ADAMTS12: variants seen among roughly 807,000 people sequenced by gnomAD.
ADAMTS12 encodes the protein ADAM metallopeptidase with thrombospondin type 1 motif 12, also known as A disintegrin and metalloproteinase with thrombospondin motifs 12.
In ADAMTS12, 118 loss-of-function variants were observed where a neutral mutation model predicts 167.8. That is an observed-to-expected ratio of 0.70 (90% CI 0.61 to 0.82). The LOEUF (loss-of-function observed/expected upper bound fraction) is 0.82, where lower values mean the gene tolerates loss of function less well. ADAMTS12 is among the 40% of genes least tolerant of loss of function. The pLI, the probability that ADAMTS12 is intolerant of heterozygous loss-of-function variation, is 0.00. For synonymous variants in ADAMTS12, 704 were observed against 716.9 expected, an observed-to-expected ratio of 0.98 and a Z score of 0.29; for missense variants, 1,916 against 1,998.8, an observed-to-expected ratio of 0.96 and a Z score of 0.79.
chr5:33,804,776 T>C (rs1318150427), intron 2 of ADAMTS12, among the ~76,000 whole-genome samples: 3 of 152,120 alleles, frequency 2.0e-5, no homozygotes, highest in Non-Finnish European at 2.9e-5. Flanking sequence ...AATTTCAAAT[T>C]ACATATACCT....
intron 22 of ADAMTS12, among the ~76,000 whole-genome samples, chr5:33,538,389 G>T (rs1744517666): frequency 1.3e-5 from 2 of 152,180 alleles, no homozygotes. Context: ...TGACACGTGA[G>T]AATTACAATC....
intron 2 of ADAMTS12, among the ~76,000 whole-genome samples, chr5:33,796,705 C>T (rs1431263644): frequency 2.0e-5 from 3 of 152,124 alleles, no homozygotes; most frequent in African/African-American, 7.2e-5. Context: ...CTAAGTTTAT[C>T]TTGAAAGTAT....
intron 9 of ADAMTS12, among the ~76,000 whole-genome samples, chr5:33,644,425 T>C (rs929549710): frequency 6.6e-6 from 1 of 152,210 alleles, no homozygotes; most frequent in Non-Finnish European, 1.5e-5. Context: ...TTTGATTGAT[T>C]TTCTTTTCAA....
At chr5:33,855,695 A>C (rs1181347124) in intron 2 of ADAMTS12, among the ~76,000 whole-genome samples, 1 of 151,908 alleles carries the variant, frequency 6.6e-6, no homozygotes, top group East Asian at 1.9e-4. Flanking sequence ...ATATTTATAG[A>C]ATGTGAGTCT....
chr5:33,653,431 AT>A (rs1368250754), intron 7 of ADAMTS12, among the ~76,000 whole-genome samples: 3 of 151,776 alleles, frequency 2.0e-5, no homozygotes, highest in Admixed American at 6.6e-5. Flanking sequence ...TATTTTGTTA[AT>A]TTTTTTACAT....
At chr5:33,702,752 T>A (rs1004634300) in intron 3 of ADAMTS12, among the ~76,000 whole-genome samples, 6 of 152,196 alleles carry the variant, frequency 3.9e-5, no homozygotes, top group Non-Finnish European at 7.3e-5. Context: ...AGAAGGCAGG[T>A]CCAGGACAGT....
chr5:33,876,241 GT>G (rs1436982555), intron 2 of ADAMTS12, among the ~76,000 whole-genome samples: 1 of 152,130 alleles, frequency 6.6e-6, no homozygotes, highest in Non-Finnish European at 1.5e-5. Context: ...ATATATAGAT[GT>G]AATACAATTC....
intron 2 of ADAMTS12, among the ~76,000 whole-genome samples, chr5:33,785,022 A>G (rs1173157121): frequency 6.6e-6 from 1 of 152,080 alleles, no homozygotes; most frequent in East Asian, 1.9e-4. Context: ...CCTTGCTCAT[A>G]GGTTAATTAA....
chr5:33,540,193 C>A (rs540571129), intron 22 of ADAMTS12, among the ~76,000 whole-genome samples: 1 of 152,240 alleles, frequency 6.6e-6, no homozygotes. Flanking sequence ...ACTCACGGAG[C>A]CTTGCTCATT....
intron 2 of ADAMTS12, among the ~76,000 whole-genome samples, chr5:33,813,916 A>T (rs553408426): frequency 6.6e-6 from 1 of 152,368 alleles, no homozygotes; most frequent in African/African-American, 2.4e-5. Flanking sequence ...TTTTAAAGCC[A>T]CTAAGTTTTG....
chr5:33,886,802 T>C (rs767450974), intron 1 of ADAMTS12, among the ~76,000 whole-genome samples: 4 of 152,152 alleles, frequency 2.6e-5, no homozygotes, highest in Non-Finnish European at 2.9e-5. Flanking sequence ...GTGGTTTGTG[T>C]TGGTGACCCA....
intron 16 of ADAMTS12, among the ~76,000 whole-genome samples, chr5:33,607,104 T>G (rs529360054): frequency 2.0e-5 from 3 of 152,178 alleles, no homozygotes; most frequent in Non-Finnish European, 4.4e-5. Flanking sequence ...AGAAGAAATT[T>G]TTTTTTCACC....
At chr5:33,692,441 A>T (rs1018191395) in intron 3 of ADAMTS12, among the ~76,000 whole-genome samples, 1 of 152,244 alleles carries the variant, frequency 6.6e-6, no homozygotes, top group Non-Finnish European at 1.5e-5. Flanking sequence ...GAAAAATAAA[A>T]GTATTTTTCA....
intron 14 of ADAMTS12, among the ~76,000 whole-genome samples, chr5:33,617,907 T>G (rs966440028): frequency 1.3e-5 from 2 of 152,362 alleles, no homozygotes; most frequent in Admixed American, 1.3e-4. Flanking sequence ...TTTAACTTAC[T>G]GCTTCTGAAT....
At chr5:33,841,638 C>T (rs1039161604) in intron 2 of ADAMTS12, among the ~76,000 whole-genome samples, 1 of 152,170 alleles carries the variant, frequency 6.6e-6, no homozygotes, top group Non-Finnish European at 1.5e-5. Flanking sequence ...TCTGATTTTT[C>T]ACACACAAAA....
intron 22 of ADAMTS12, among the ~76,000 whole-genome samples, chr5:33,544,663 T>G (rs952923218): frequency 6.6e-6 from 1 of 151,938 alleles, no homozygotes; most frequent in Non-Finnish European, 1.5e-5. Context: ...CCAAAACAGA[T>G]ATATAGACCA....
At chr5:33,736,611 A>G (rs776455955) in intron 3 of ADAMTS12, among the ~76,000 whole-genome samples, 7 of 152,228 alleles carry the variant, frequency 4.6e-5, no homozygotes, top group Non-Finnish European at 5.9e-5. Context: ...CAGGATGTTT[A>G]CAGAATGGGC....
At chr5:33,844,122 C>T (rs1748852007) in intron 2 of ADAMTS12, among the ~76,000 whole-genome samples, 1 of 152,178 alleles carries the variant, frequency 6.6e-6, no homozygotes. Flanking sequence ...ATCTCTTAAT[C>T]CTGTCATCTC....
chr5:33,724,016 C>A (rs906274889), intron 3 of ADAMTS12, among the ~76,000 whole-genome samples: 2 of 152,182 alleles, frequency 1.3e-5, no homozygotes, highest in South Asian at 2.1e-4. Flanking sequence ...CATCGTTGTC[C>A]TGAATATCCC....
Sources: gnomAD v4.1 joint callset for allele counts (sites outside exome capture counted in the v4.1 genomes callset) on GRCh38, gnomAD v4.1.1 for gene constraint, MANE v1.5 for transcripts, NCBI Gene and HGNC (gene_info 2026-07-23, HGNC 2026-07-21) for gene names.